Variants in TULP4 observed in about 807,000 individuals in gnomAD.
TULP4 encodes TUB like protein 4, also known as tubby-related protein 4.
A neutral mutation model predicts 129.0 loss-of-function variants in TULP4; 16 were observed. The ratio of observed to expected loss-of-function variants is 0.12; its 90% CI spans 0.08 to 0.19. The LOEUF (loss-of-function observed/expected upper bound fraction) is 0.19. Among genes scored for constraint, TULP4 ranks in the 10% least tolerant of loss-of-function variants. The pLI, the probability that TULP4 is intolerant of heterozygous loss-of-function variation, is 1.00. For missense variants in TULP4, 1,842 were observed against 2,059.1 expected, an observed-to-expected ratio of 0.89 and a Z score of 2.04; for synonymous variants, 998 against 854.0, an observed-to-expected ratio of 1.17 and a Z score of -2.94.
intron 1 of TULP4, among the ~76,000 whole-genome samples, chr6:158,330,451 C>G (rs1779851461): frequency 6.6e-6 from 1 of 152,216 alleles, no homozygotes; most frequent in Non-Finnish European, 1.5e-5. Context: ...TTGCTTTATT[C>G]TGTCCTTTGC....
chr6:158,436,531 A>G lies in TULP4; in HGVS notation c.543+6634A>G, dbSNP rs150665412. Among the ~76,000 whole-genome samples the G allele has an allele frequency of 1.1e-3, 168 of 152,362 alleles. 1 individual carries two copies. Among genetic ancestry groups the G allele is most frequent in the African/African-American group, 3.8e-3 (159 of 41,592 alleles). ...ACAGGAATCTCCCTATTTAAAGAAT[A>G]TTCTATAGAAATTGCCCTTGTTTAG... is the stretch of plus-strand genomic sequence containing the variant. On this transcript the variant is annotated intron_variant, in intron 3 of 13. Coordinates refer to ENST00000367097, the MANE Select transcript of TULP4 (RefSeq NM_020245.5).
intron 1 of TULP4, among the ~76,000 whole-genome samples, chr6:158,392,692 G>T (rs1239621998): frequency 6.6e-6 from 1 of 152,024 alleles, no homozygotes; most frequent in Admixed American, 6.6e-5. Flanking sequence ...GGGATTTTGA[G>T]GGGACTATGG....
intron 3 of TULP4, among the ~76,000 whole-genome samples, chr6:158,442,263 G>A (rs952113899): frequency 6.6e-5 from 10 of 152,230 alleles, no homozygotes; most frequent in East Asian, 1.9e-4. Flanking sequence ...GCCATGGGAA[G>A]AAATTACTAT....
intron 1 of TULP4, among the ~76,000 whole-genome samples, chr6:158,251,352 T>C (rs667778): frequency 0.064 from 9,803 of 152,322 alleles, 380 homozygotes; most frequent in East Asian, 0.094. Flanking sequence ...TCTTGGCTTC[T>C]GTATTCATGT....
intron 1 of TULP4, among the ~76,000 whole-genome samples, chr6:158,336,236 G>A (rs1191303022): frequency 6.6e-6 from 1 of 152,160 alleles, no homozygotes; most frequent in African/African-American, 2.4e-5. Flanking sequence ...TAAAAATCTT[G>A]TGAATTGTCT....
rs567724228 is a variant in TULP4 at position 158,460,193 on chromosome 6, C to T, written c.860-1370C>T. Among the ~76,000 whole-genome samples, 5 of 152,216 alleles carry T rather than the reference C, an allele frequency of 3.3e-5. No homozygotes were observed. In the South Asian group the frequency reaches 6.2e-4, roughly 19 times the overall value. On this transcript the variant is annotated intron_variant, in intron 5 of 13. Transcript: ENST00000367097. ...GAGACACACTCTAGTTTTCAAGAGA[C>T]GTGAAAGAGCTTCAGCAACCTCAGA...
intron 9 of TULP4, 34 bp downstream of exon 9, chr6:158,489,766 T>C: frequency 6.2e-7 from 1 of 1,613,034 alleles, no homozygotes; most frequent in African/African-American, 1.3e-5. Flanking sequence ...CGTCCTTTCT[T>C]GTGCCTCTGA....
intron 5 of TULP4, among the ~76,000 whole-genome samples, chr6:158,460,114 A>G (rs567826478): frequency 4.2e-4 from 64 of 152,128 alleles, no homozygotes; most frequent in Non-Finnish European, 8.4e-4. Context: ...CCCTGCAGCT[A>G]ACTTCATGAG....
rs114892141 is a variant in TULP4, at chr6:158,315,072, G to A, written c.252+804G>A. On this transcript the variant is annotated intron_variant, in intron 1 of 13. Coordinates refer to ENST00000367097, the MANE Select transcript of TULP4 (RefSeq NM_020245.5). ...CTTATTTGGGTATTTTTAAAATGAGGAATCCATGACTATTTCAGGCATCTT... is the reference window on the plus strand; with the variant it reads ...CTTATTTGGGTATTTTTAAAATGAGAAATCCATGACTATTTCAGGCATCTT... Among the ~76,000 whole-genome samples, 840 of 152,254 alleles carry A rather than the reference G, an allele frequency of 5.5e-3. 8 individuals are homozygous for A. Among genetic ancestry groups the A allele is most frequent in the African/African-American group, 0.019 (803 of 41,530 alleles).
intron 1 of TULP4, 77 bp from the exon 2 acceptor site, chr6:158,412,988 G>T (rs2115009202): frequency 1.9e-5 from 29 of 1,541,302 alleles, no homozygotes; most frequent in Non-Finnish European, 2.5e-5. Flanking sequence ...ATTAGTTCAA[G>T]TCTGATCACA....
intron 1 of TULP4, among the ~76,000 whole-genome samples, chr6:158,297,391 G>A (rs1779053481): frequency 6.6e-6 from 1 of 151,992 alleles, no homozygotes; most frequent in Non-Finnish European, 1.5e-5. Context: ...AAACACACAT[G>A]TTTTACAATC....
At chr6:158,286,401 T>C (rs901533479) in intron 1 of TULP4, among the ~76,000 whole-genome samples, 1 of 152,220 alleles carries the variant, frequency 6.6e-6, no homozygotes, top group Non-Finnish European at 1.5e-5. Flanking sequence ...TCTGTGTTTC[T>C]TCTGTTTTAT....
intron 8 of TULP4, among the ~76,000 whole-genome samples, chr6:158,482,890 G>A (rs1488647789): frequency 2.0e-5 from 3 of 152,180 alleles, no homozygotes; most frequent in African/African-American, 4.8e-5. Context: ...AATCTGACCC[G>A]ACTACGCCAA....
chr6:158,262,219 C>T (rs1221438670), intron 1 of TULP4, among the ~76,000 whole-genome samples: 3 of 152,214 alleles, frequency 2.0e-5, no homozygotes, highest in Non-Finnish European at 4.4e-5. Flanking sequence ...GTCACAAACA[C>T]CACACCATCA....
rs1218413589 is a variant in TULP4, at chr6:158,504,052, C to T, written c.4389C>T (p.Phe1463=). 7 of 1,609,128 alleles carry T rather than the reference C, an allele frequency of 4.4e-6. No individual in the cohort carries two copies. The highest frequency in any genetic ancestry group is 4.0e-5 in the African/African-American group (3 of 74,856). ...KEDGRLGSQG[F]VYVMANKQPL... The stretch of plus-strand genomic sequence containing the variant: ...ACGGGCGGCTGGGCAGCCAAGGCTT[C>T]GTGTACGTGATGGCCAACAAGCAGC... Residue 1463 remains phenylalanine, a synonymous_variant, in exon 13 of 14, where the codon TTC becomes TTT. Coordinates refer to ENST00000367097, the MANE Select transcript of TULP4 (RefSeq NM_020245.5).
chr6:158,471,111 G>C (rs1779671104), intron 6 of TULP4, among the ~76,000 whole-genome samples: 1 of 152,224 alleles, frequency 6.6e-6, no homozygotes, highest in African/African-American at 2.4e-5. Flanking sequence ...ATCTGGAAGA[G>C]ACAGAAAGGA....
chr6:158,440,361 A>G (rs1481608040), intron 3 of TULP4, among the ~76,000 whole-genome samples: 1 of 151,436 alleles, frequency 6.6e-6, no homozygotes, highest in African/African-American at 2.4e-5. Context: ...CTACTAAAGT[A>G]AAATCTCAAT....
chr6:158,318,988 C>T (rs920285416), intron 1 of TULP4, among the ~76,000 whole-genome samples: 19 of 151,312 alleles, frequency 1.3e-4, no homozygotes, highest in African/African-American at 3.9e-4. Flanking sequence ...TTAAGTGATC[C>T]GCCCACCTCA....
intron 1 of TULP4, among the ~76,000 whole-genome samples, chr6:158,275,468 A>G (rs951561014): frequency 2.0e-5 from 3 of 152,126 alleles, no homozygotes; most frequent in Non-Finnish European, 4.4e-5. Flanking sequence ...TCACCAATTC[A>G]TATTCTCCTG....
Sources: gnomAD v4.1 joint callset for allele counts (sites outside exome capture counted in the v4.1 genomes callset) on GRCh38, gnomAD v4.1.1 for gene constraint, MANE v1.5 for transcripts, NCBI Gene and HGNC (gene_info 2026-07-23, HGNC 2026-07-21) for gene names.